NRG4: variants seen among roughly 807,000 people sequenced by gnomAD.
NRG4 encodes the protein pro-neuregulin-4, membrane-bound isoform.
A neutral mutation model predicts 15.0 loss-of-function variants in NRG4; 10 were observed. That is an observed-to-expected ratio of 0.67 (90% CI 0.41 to 1.13). NRG4 has a LOEUF of 1.13. NRG4 is among the 50% of genes most tolerant of loss of function. NRG4 has a pLI of 0.00. For missense variants in NRG4, 139 were observed against 140.2 expected (o/e 0.99, Z 0.04); for synonymous variants, 41 against 50.1 (o/e 0.82, Z 0.77).
At chr15:76,052,598 C>G (rs2036047128) in intron 3 of NRG4, among the ~76,000 whole-genome samples, 1 of 151,070 alleles carries the variant, frequency 6.6e-6, no homozygotes, top group Non-Finnish European at 1.5e-5. Context: ...TTATCACAGA[C>G]AGAAGCCTAA....
chr15:76,006,375 G>A (rs1040202593), intron 3 of NRG4, among the ~76,000 whole-genome samples: 22 of 152,154 alleles, frequency 1.4e-4, no homozygotes, highest in Non-Finnish European at 1.6e-4. Flanking sequence ...CTACATTAGA[G>A]GTGTGCTCCT....
In NRG4 at chr15:76,057,500, C is replaced by A. The variant is rs560116024; in HGVS notation, c.-327-481G>T. On this transcript the variant is annotated intron_variant, in intron 1 of 8. Coordinates refer to the NRG4 transcript ENST00000563910. ...TGTTAGGCCTCAGGGTATTTGAAAA[C>A]AAGAGAAGGCCCAGTTTGAAGAATG... 3.9e-5 allele frequency among the ~76,000 whole-genome samples: 6 copies of A among 152,298 alleles called. No homozygotes were observed. The East Asian group carries it at 1.2e-3, about 29-fold the overall frequency.
At chr15:76,048,537 T>C (rs552192193) in intron 4 of NRG4, among the ~76,000 whole-genome samples, 1 of 149,204 alleles carries the variant, frequency 6.7e-6, no homozygotes, top group African/African-American at 2.5e-5. Flanking sequence ...TACTGCCACA[T>C]GGCAATACCA....
intron 2 of NRG4, 47 bp downstream of exon 2, chr15:76,011,174 G>T (rs2034796648): frequency 7.5e-7 from 1 of 1,336,470 alleles, no homozygotes; most frequent in Non-Finnish European, 9.8e-7. Flanking sequence ...TTGTTCTATT[G>T]CTATGGACAC....
intron 5 of NRG4, among the ~76,000 whole-genome samples, chr15:76,034,826 C>A (rs572908283): frequency 6.6e-6 from 1 of 152,086 alleles, no homozygotes; most frequent in Admixed American, 6.6e-5. Flanking sequence ...ACTTCTATGG[C>A]GAACTGCATC....
In NRG4 at chr15:76,051,822, C is replaced by G. The variant is rs371248304; in HGVS notation, c.-105+245G>C. The stretch of plus-strand genomic sequence containing the variant: ...TCCTGACCTTGTGATCCGCCCACCT[C>G]AGCCTCCCAAAGTGCTAGGATTACA... On this transcript the variant is annotated intron_variant, in intron 4 of 8. Transcript: ENST00000563910. 2.3e-4 allele frequency among the ~76,000 whole-genome samples: 34 copies of G among 150,636 alleles called. No homozygotes were observed. In the East Asian group the frequency reaches 6.4e-3, roughly 28 times the overall value.
chr15:76,035,160 A>G (rs2035571241), intron 5 of NRG4, among the ~76,000 whole-genome samples: 2 of 151,824 alleles, frequency 1.3e-5, no homozygotes, highest in Admixed American at 6.6e-5. Flanking sequence ...CTGTCCATCT[A>G]CTCCAAGGTC....
At chr15:75,954,271 T>G (rs1456627200) in intron 5 of NRG4, among the ~76,000 whole-genome samples, 5 of 151,840 alleles carry the variant, frequency 3.3e-5, no homozygotes, top group Non-Finnish European at 2.9e-5. Flanking sequence ...TTTTGTTTTT[T>G]TTTTTTTGAT....
At chr15:75,949,507 A>C (rs1309909641) in intron 5 of NRG4, among the ~76,000 whole-genome samples, 1 of 151,594 alleles carries the variant, frequency 6.6e-6, no homozygotes, top group Admixed American at 6.6e-5. Context: ...TTTTATATCC[A>C]TTTGCAAATA....
intron 3 of NRG4, among the ~76,000 whole-genome samples, chr15:75,975,483 G>T (rs1818946152): frequency 6.6e-6 from 1 of 152,188 alleles, no homozygotes; most frequent in Non-Finnish European, 1.5e-5. Context: ...GCAGTGGCTG[G>T]TACTGGTTTT....
rs146820950 is a variant in NRG4 at position 75,955,977 on chromosome 15, A to C, written c.286T>G (p.Tyr96Asp). Residue 96 changes from tyrosine to aspartate, a missense_variant, in exon 5 of 6, where the codon TAT (tyrosine) becomes GAT (aspartate). Transcript: ENST00000394907. ...GHFQRASSVQYDINLVETSST... is the reference protein window; with the variant it reads ...GHFQRASSVQDDINLVETSST... ...CTCGTCTCTACCAGGTTGATATCATACTGGACTGAACTGGCTCTCTGAAAG... is the reference window on the plus strand; with the variant it reads ...CTCGTCTCTACCAGGTTGATATCATCCTGGACTGAACTGGCTCTCTGAAAG... The C allele has an allele frequency of 6.2e-7, 1 of 1,611,678 alleles. No individual in the cohort carries two copies. The highest frequency in any genetic ancestry group is 1.3e-5 in the African/African-American group (1 of 74,996).
chr15:76,036,875 A>G (rs183804423), intron 4 of NRG4, among the ~76,000 whole-genome samples: 5 of 152,318 alleles, frequency 3.3e-5, no homozygotes, highest in African/African-American at 7.2e-5. Flanking sequence ...TAATACTGGA[A>G]GTCCTGGCTG....
chr15:76,030,376 A>C lies in NRG4; in HGVS notation c.-57+5568T>G, dbSNP rs189792213. The stretch of plus-strand genomic sequence containing the variant: ...AACCAAAACAGCATGGTTCTGGCAT[A>C]AAAACAGACACATAGACCAATGGAA... On this transcript the variant is annotated intron_variant, in intron 5 of 8. Transcript: ENST00000563910. 2.0e-3 allele frequency among the ~76,000 whole-genome samples: 306 copies of C among 152,336 alleles called. 2 individuals carry two copies. The highest frequency in any genetic ancestry group is 7.2e-3 in the African/African-American group (301 of 41,576).
intron 4 of NRG4, among the ~76,000 whole-genome samples, chr15:76,042,853 A>T (rs572232641): frequency 7.9e-4 from 120 of 151,482 alleles, no homozygotes; most frequent in African/African-American, 2.8e-3. Context: ...AAACACATTT[A>T]AAAAAAAAGC....
At chr15:76,011,012 CAT>C in intron 2 of NRG4, among the ~76,000 whole-genome samples, 1 of 152,052 alleles carries the variant, frequency 6.6e-6, no homozygotes, top group East Asian at 1.9e-4. Flanking sequence ...CAATAAAACA[CAT>C]ATATCTAAAA....
chr15:75,938,574 T>C (rs1400653285), downstream of NRG4: 1 of 151,984 alleles, frequency 6.6e-6, no homozygotes, highest in African/African-American at 2.4e-5. Flanking sequence ...AATCAGAATA[T>C]CAACAGATAG....
downstream of NRG4, chr15:75,937,082 TTAA>T (rs2030417131): frequency 6.6e-6 from 1 of 152,000 alleles, no homozygotes; most frequent in Non-Finnish European, 1.5e-5. Context: ...ATCACTATAC[TTAA>T]TAAACATACT....
chr15:76,050,796 T>C (rs2035988158), intron 4 of NRG4, among the ~76,000 whole-genome samples: 1 of 146,870 alleles, frequency 6.8e-6, no homozygotes, highest in South Asian at 2.1e-4. Flanking sequence ...AGACTCCTGT[T>C]CTCCAAAACT....
At chr15:75,958,276 T>C (rs1452810576) in intron 4 of NRG4, among the ~76,000 whole-genome samples, 1 of 152,166 alleles carries the variant, frequency 6.6e-6, no homozygotes, top group Non-Finnish European at 1.5e-5. Flanking sequence ...CCTCCCAAAG[T>C]GCTGGGATTA....
Sources: allele counts gnomAD v4.1 joint callset (sites outside exome capture counted in the v4.1 genomes callset), GRCh38; gene constraint gnomAD v4.1.1; transcripts MANE v1.5; gene names NCBI Gene and HGNC (gene_info 2026-07-23, HGNC 2026-07-21).